RPRD2: variants seen among roughly 807,000 people sequenced by gnomAD.
The protein encoded by RPRD2 is regulation of nuclear pre-mRNA domain containing 2.
In RPRD2, 12 loss-of-function variants were observed where a neutral mutation model predicts 104.4. The ratio of observed to expected loss-of-function variants is 0.11; its 90% CI spans 0.07 to 0.19. RPRD2 has a LOEUF of 0.19. Among genes scored for constraint, RPRD2 ranks in the 10% least tolerant of loss-of-function variants. The pLI, the probability that RPRD2 is intolerant of heterozygous loss-of-function variation, is 1.00. For synonymous variants in RPRD2, 714 were observed against 684.9 expected (o/e 1.04, Z -0.66); for missense variants, 1,543 against 1,790.1 (o/e 0.86, Z 2.49).
At chr1:150,364,992 T>A in intron 1 of RPRD2, 73 bp downstream of exon 1, 1 of 1,485,346 alleles carries the variant, frequency 6.7e-7, no homozygotes, top group Non-Finnish European at 9.2e-7. Context: ...ACGCTTGGGG[T>A]TTTCCCACGG....
chr1:150,468,167 G>A lies in RPRD2; in HGVS notation c.1613-2394G>A, dbSNP rs189147996. Among the ~76,000 whole-genome samples, 201 of 152,164 alleles carry A rather than the reference G, an allele frequency of 1.3e-3. 1 individual carries two copies. The highest frequency in any genetic ancestry group is 0.013 in the Admixed American group (192 of 15,264). ...AAAAAGAGAAACTTCAGTGGGCAAAGGAGCAGAGTATGACTTGTTATGATT... is the reference window on the plus strand; with the variant it reads ...AAAAAGAGAAACTTCAGTGGGCAAAAGAGCAGAGTATGACTTGTTATGATT... On this transcript the variant is annotated intron_variant, in intron 10 of 10. Transcript: ENST00000369068.
intron 2 of RPRD2, among the ~76,000 whole-genome samples, chr1:150,433,599 A>T (rs587742816): frequency 6.7e-6 from 1 of 148,986 alleles, no homozygotes; most frequent in Non-Finnish European, 1.5e-5. Flanking sequence ...CGCCCGCCAC[A>T]ACGCCCAGCT....
intron 1 of RPRD2, among the ~76,000 whole-genome samples, chr1:150,396,197 T>TG (rs1467428231): frequency 5.8e-5 from 8 of 138,838 alleles, no homozygotes; most frequent in African/African-American, 2.0e-4. Flanking sequence ...ATCGTCTGTG[T>TG]GTTTTTTTTT....
Position 150,464,523 on chromosome 1 carries a change from C to G in RPRD2, c.1412-4C>G, listed in dbSNP as rs781827918. ...TTTTCTTGAGTTCATCTTTCTGCCA[C>G]CAGGGGTCAGTCCTGCATCAAGACC... On this transcript the variant is annotated splice_region_variant and splice_polypyrimidine_tract_variant and intron_variant, in intron 9 of 10. Transcript: ENST00000369068. 1 of 1,591,592 alleles carries G rather than the reference C, an allele frequency of 6.3e-7. No individual in the cohort carries two copies. The highest frequency in any genetic ancestry group is 2.3e-5 in the East Asian group (1 of 43,910).
intron 10 of RPRD2, among the ~76,000 whole-genome samples, chr1:150,466,651 T>G (rs925559746): frequency 6.6e-6 from 1 of 152,102 alleles, no homozygotes; most frequent in Admixed American, 6.6e-5. Context: ...TATTAGAGTC[T>G]TAGATGTAGT....
In RPRD2 at chr1:150,426,885, G is replaced by T. The variant is rs587625065; in HGVS notation, c.335+9160G>T. Reference sequence around the variant, plus strand: ...AGATAGGCCGGGTGCTATGGCTCGCGCCTGTAATCCCAGCACTTTGGGAGG... The same window carrying T: ...AGATAGGCCGGGTGCTATGGCTCGCTCCTGTAATCCCAGCACTTTGGGAGG... On this transcript the variant is annotated intron_variant, in intron 2 of 10. Transcript: ENST00000369068. 7.9e-5 allele frequency among the ~76,000 whole-genome samples: 12 copies of T among 152,310 alleles called. No individual in the cohort carries two copies. The South Asian group carries it at 2.1e-3, about 26-fold the overall frequency.
At chr1:150,419,854 C>T (rs889870140) in intron 2 of RPRD2, among the ~76,000 whole-genome samples, 2 of 152,178 alleles carry the variant, frequency 1.3e-5, no homozygotes, top group Admixed American at 6.6e-5. Flanking sequence ...TCTCGAACTC[C>T]TGACCTCAGG....
At chr1:150,424,434 A>C (rs1664973903) in intron 2 of RPRD2, among the ~76,000 whole-genome samples, 1 of 151,834 alleles carries the variant, frequency 6.6e-6, no homozygotes, top group Non-Finnish European at 1.5e-5. Context: ...ATTACAGGCG[A>C]GCGCCACCAT....
chr1:150,462,818 G>A (rs1553899107), intron 9 of RPRD2, among the ~76,000 whole-genome samples: 1 of 152,192 alleles, frequency 6.6e-6, no homozygotes, highest in Admixed American at 6.5e-5. Flanking sequence ...GCCTCCCAAA[G>A]TGCTGGGATT....
chr1:150,471,517 A>C lies in RPRD2; in HGVS notation c.2569A>C (p.Ile857Leu). The C allele has an allele frequency of 6.2e-7, 1 of 1,613,800 alleles. No individual in the cohort carries two copies. The highest frequency in any genetic ancestry group is 8.5e-7 in the Non-Finnish European group (1 of 1,179,848). ...CCTAGAGAAGAAACCAGCCAAATCT[A>C]TCCTGAAATCAAGCAAGCTGTCTGA... is the stretch of plus-strand genomic sequence containing the variant. ...MNLEKKPAKSILKSSKLSDTT... is the reference protein window; with the variant it reads ...MNLEKKPAKSLLKSSKLSDTT... The change falls in exon 11 of 11, where the codon ATC becomes CTC. Residue 857 changes from isoleucine (I) to leucine (L), a missense_variant. Ile to Leu is a conservative substitution (Grantham distance 5). This residue lies in a region of RPRD2 where 880 missense variants were observed against 885.6 expected (regional missense o/e 0.99). Transcript: ENST00000369068. This position sits in a 1 kb window ranked among gnomAD's most constrained non-coding sequence, Gnocchi z 5.3.
At chr1:150,412,996 TAAAA>T (rs375937550) in intron 1 of RPRD2, among the ~76,000 whole-genome samples, 1 of 141,854 alleles carries the variant, frequency 7.0e-6, no homozygotes, top group Non-Finnish European at 1.5e-5. Flanking sequence ...GGAAGGAAGA[TAAAA>T]AAAAGAAAAG....
intron 10 of RPRD2, among the ~76,000 whole-genome samples, chr1:150,467,420 C>A (rs902956278): frequency 2.0e-5 from 3 of 152,078 alleles, no homozygotes; most frequent in African/African-American, 7.2e-5. Context: ...GTTGCCCAGG[C>A]TGGAGTGCAG....
In RPRD2 at chr1:150,473,488, T is replaced by TAA; in HGVS notation, c.*155_*156insAA. ...TCCAAAGTAAGAAATCACATACGCT[T>TAA]ACGTTTTACTATTCAATTCAATCCT... On this transcript the variant is annotated 3_prime_UTR_variant, in exon 11 of 11. Coordinates refer to ENST00000369068, the MANE Select transcript of RPRD2 (RefSeq NM_015203.5). 7.0e-6 allele frequency: 4 copies of TAA among 570,858 alleles called. No homozygotes were observed. The East Asian group carries it at 9.0e-5, about 13-fold the overall frequency. 35.4% of individuals were successfully genotyped at this position (570,858 alleles called of 1,614,324 possible). A position where few individuals can be genotyped will look rare whatever the true frequency, so the allele number is the denominator to read the frequency against.
intron 1 of RPRD2, among the ~76,000 whole-genome samples, chr1:150,411,788 CAAAAAAAAA>C (rs71086508): frequency 2.0e-3 from 138 of 70,710 alleles, no homozygotes; most frequent in Admixed American, 4.1e-3. Context: ...TAGACTGTCT[CAAAAAAAAA>C]AAAAAAAAAA....
chr1:150,460,248 C>T lies in RPRD2; in HGVS notation c.1342C>T (p.Leu448=). 1 of 1,613,540 alleles carries T rather than the reference C, an allele frequency of 6.2e-7. No homozygotes were observed. Among genetic ancestry groups the T allele is most frequent in the Non-Finnish European group, 8.5e-7 (1 of 1,179,706 alleles). ...TTCCCCAGCATTGGCTTTGCCAAAC[C>T]TGGCTAATGTGGATCTGGCAAAGAT... ...SPSPALALPN[L]ANVDLAKISS... The change falls in exon 9 of 11, where the codon CTG becomes TTG. Residue 448 remains leucine, a synonymous_variant. Transcript: ENST00000369068.
At chr1:150,383,428 C>T (rs937165850) in intron 1 of RPRD2, among the ~76,000 whole-genome samples, 10 of 151,068 alleles carry the variant, frequency 6.6e-5, no homozygotes, top group African/African-American at 2.4e-4. Flanking sequence ...GATTCTCCTG[C>T]CTCAGCCTCC....
Position 150,471,061 on chromosome 1 carries a change from C to A in RPRD2, c.2113C>A (p.Pro705Thr). 1 of 1,614,028 alleles carries A rather than the reference C, an allele frequency of 6.2e-7. No individual in the cohort carries two copies. The highest frequency in any genetic ancestry group is 8.5e-7 in the Non-Finnish European group (1 of 1,179,894). ...LGSSAPSESH[P>T]SDFQRGPTST... ...GTCCAGCGCCCCATCAGAGAGCCAT[C>A]CCTCAGACTTCCAGCGTGGCCCTAC... Residue 705 changes from proline to threonine, a missense_variant, in exon 11 of 11, where the codon CCC (proline) becomes ACC (threonine). Physicochemically the swap from Pro to Thr is conservative, Grantham distance 38. Transcript: ENST00000369068. This position sits in a 1 kb window ranked among gnomAD's most constrained non-coding sequence, Gnocchi z 5.3.
chr1:150,441,257 C>G lies in RPRD2; in HGVS notation c.436+234C>G, dbSNP rs587746514. 17 of 401,384 alleles carry G rather than the reference C, an allele frequency of 4.2e-5. No individual in the cohort carries two copies. The East Asian group carries it at 7.9e-4, about 19-fold the overall frequency. 24.9% of individuals were successfully genotyped at this position (401,384 alleles called of 1,614,324 possible). Reference sequence around the variant, plus strand: ...TTTTTTAGTGACTACAAAAGTCAAGCATGTTAAGTGGTAATAGCCATCTGG... The same window carrying G: ...TTTTTTAGTGACTACAAAAGTCAAGGATGTTAAGTGGTAATAGCCATCTGG... On this transcript the variant is annotated intron_variant, in intron 3 of 10. Transcript: ENST00000369068.
At chr1:150,403,617 A>G (rs1035892034) in intron 1 of RPRD2, among the ~76,000 whole-genome samples, 2 of 152,086 alleles carry the variant, frequency 1.3e-5, no homozygotes, top group African/African-American at 4.8e-5. Flanking sequence ...ATGGGTGGAT[A>G]ATATTCCATT....
Sources: allele counts gnomAD v4.1 joint callset (sites outside exome capture counted in the v4.1 genomes callset), GRCh38; gene constraint gnomAD v4.1.1; regional missense constraint gnomAD v4.1.1; non-coding constraint Gnocchi (gnomAD v3.1); transcripts MANE v1.5; gene names NCBI Gene and HGNC (gene_info 2026-07-23, HGNC 2026-07-21).